Variants in TPR observed in about 807,000 individuals in gnomAD.
TPR encodes nucleoprotein TPR.
TPR carries 51 observed loss-of-function variants against 316.1 expected under a neutral mutation model. The ratio of observed to expected loss-of-function variants is 0.16; its 90% confidence interval spans 0.13 to 0.20. The LOEUF (loss-of-function observed/expected upper bound fraction) is 0.20. Among genes scored for constraint, TPR ranks in the 10% least tolerant of loss-of-function variants. TPR has a pLI of 1.00. For missense variants in TPR, 2,272 were observed against 2,754.8 expected (o/e 0.82, Z 3.92); for synonymous variants, 981 against 914.7 (o/e 1.07, Z -1.31).
intron 2 of TPR, among the ~76,000 whole-genome samples, chr1:186,373,102 T>C (rs146229629): frequency 3.7e-4 from 56 of 152,336 alleles, no homozygotes; most frequent in African/African-American, 1.3e-3. Flanking sequence ...AATCAGATAC[T>C]GTTAAGATTT....
At chr1:186,319,572 C>T (rs1398190412) in intron 46 of TPR, among the ~76,000 whole-genome samples, 2 of 152,120 alleles carry the variant, frequency 1.3e-5, no homozygotes, top group African/African-American at 4.8e-5. Flanking sequence ...AGTCAACTTA[C>T]AATTTCATAT....
intron 30 of TPR, 108 bp from the exon 31 acceptor site, chr1:186,338,351 A>C: frequency 1.2e-6 from 1 of 841,836 alleles, no homozygotes; most frequent in South Asian, 1.9e-5. Flanking sequence ...TTTTTTTTTG[A>C]AAATCCTAAA....
At chr1:186,343,261 A>C in intron 27 of TPR, 65 bp downstream of exon 27, 51 of 1,530,478 alleles carry the variant, frequency 3.3e-5, no homozygotes, top group Non-Finnish European at 4.3e-5. Flanking sequence ...GTTAAATGGT[A>C]GAGATATAAA....
intron 39 of TPR, among the ~76,000 whole-genome samples, chr1:186,329,016 A>C (rs903128317): frequency 6.6e-6 from 1 of 152,202 alleles, no homozygotes; most frequent in South Asian, 2.1e-4. Context: ...ATAATTTAAA[A>C]AGTGCCTCAA....
chr1:186,325,848 C>T lies in TPR; in HGVS notation c.6028G>A (p.Asp2010Asn). The change falls in exon 42 of 51, where the codon GAT (aspartate) becomes AAT (asparagine). Residue 2010 changes from aspartate to asparagine, a missense_variant. Coordinates refer to ENST00000367478, the MANE Select transcript of TPR (RefSeq NM_003292.3). The part of the protein sequence containing the change: ...GYEADDAEGG[D>N]GTDPGTETEE... Reference sequence around the variant, plus strand: ...GTTTCTGTACCTGGATCAGTCCCATCACCACCCTAAAAACAAAACGTGGTA... The same window carrying T: ...GTTTCTGTACCTGGATCAGTCCCATTACCACCCTAAAAACAAAACGTGGTA... 2 of 1,613,206 alleles carry T rather than the reference C, an allele frequency of 1.2e-6. No homozygotes were observed. The highest frequency in any genetic ancestry group is 8.5e-7 in the Non-Finnish European group (1 of 1,179,664).
At chr1:186,318,121 A>C (rs1468462355) in intron 48 of TPR, among the ~76,000 whole-genome samples, 1 of 152,216 alleles carries the variant, frequency 6.6e-6, no homozygotes, top group African/African-American at 2.4e-5. Flanking sequence ...TACAAGAATA[A>C]CATGAATCTG....
intron 35 of TPR, 69 bp from the exon 36 acceptor site, chr1:186,334,602 G>A (rs936852791): frequency 8.1e-6 from 12 of 1,482,998 alleles, no homozygotes; most frequent in Middle Eastern, 4.5e-4. Context: ...AAAACACAGT[G>A]AGTATAGGTC....
At chr1:186,369,389 T>C (rs1190188123) in intron 3 of TPR, among the ~76,000 whole-genome samples, 1 of 152,166 alleles carries the variant, frequency 6.6e-6, no homozygotes, top group Admixed American at 6.5e-5. Context: ...ATGAGTATGG[T>C]ATATCTTTCC....
At position 186,327,975 on chromosome 1, in the gene TPR, G is replaced by C. The variant is rs747342324; in HGVS notation, c.5689-315C>G. Among the ~76,000 whole-genome samples, 79 of 152,016 alleles carry C rather than the reference G, an allele frequency of 5.2e-4. 1 individual carries two copies. The highest frequency in any genetic ancestry group is 2.5e-4 in the Non-Finnish European group (17 of 67,996). On this transcript the variant is annotated intron_variant, in intron 39 of 50. Coordinates refer to ENST00000367478, the MANE Select transcript of TPR (RefSeq NM_003292.3). Reference sequence around the variant, plus strand: ...ATTTTTTGTATTTTTATTAGAGACAGGGTTTCACCATGTTGGCCAGGCTGG... The same window carrying C: ...ATTTTTTGTATTTTTATTAGAGACACGGTTTCACCATGTTGGCCAGGCTGG...
intron 2 of TPR, among the ~76,000 whole-genome samples, chr1:186,372,879 T>TA (rs1659576504): frequency 6.6e-6 from 1 of 152,198 alleles, no homozygotes; most frequent in Admixed American, 6.5e-5. Context: ...GATTCATAGA[T>TA]ATTTATAAAA....
intron 12 of TPR, 105 bp downstream of exon 12, chr1:186,359,694 G>A (rs1031688097): frequency 1.2e-5 from 14 of 1,135,910 alleles, no homozygotes; most frequent in Middle Eastern, 2.0e-4. Context: ...ATTGAAAATC[G>A]TATTTAGATT....
intron 12 of TPR, among the ~76,000 whole-genome samples, chr1:186,358,926 C>T (rs1193653386): frequency 6.6e-6 from 1 of 152,094 alleles, no homozygotes; most frequent in African/African-American, 2.4e-5. Context: ...TTGCAAACTA[C>T]ACTGCTGGTA....
Position 186,347,301 on chromosome 1 carries a change from C to T in TPR, c.2934G>A (p.Lys978=), listed in dbSNP as rs1244468221. ...TCAGAATTATACATACCTGTTTTTCCTTGTTCAGGGATTCTTCTAAACTAG... is the reference window on the plus strand; with the variant it reads ...TCAGAATTATACATACCTGTTTTTCTTTGTTCAGGGATTCTTCTAAACTAG... ...MVTSLEESLN[K]EKQVTEEVRK... Residue 978 remains lysine (K), a synonymous_variant, in exon 22 of 51, where the codon AAG becomes AAA. Transcript: ENST00000367478. 6.2e-7 allele frequency: 1 copy of T among 1,611,382 alleles called. No homozygotes were observed. The highest frequency in any genetic ancestry group is 1.7e-5 in the Admixed American group (1 of 59,542).
intron 39 of TPR, among the ~76,000 whole-genome samples, chr1:186,331,008 G>C (rs1305891028): frequency 1.3e-5 from 2 of 152,058 alleles, no homozygotes; most frequent in Non-Finnish European, 2.9e-5. Context: ...CTCATGCTTT[G>C]TAACTTCAGG....
At position 186,361,884 on chromosome 1, in the gene TPR, C is replaced by T. The variant is rs567811668; in HGVS notation, c.790-15G>A. The T allele has an allele frequency of 1.1e-5, 18 of 1,610,000 alleles. No homozygotes were observed. The African/African-American group carries it at 2.4e-4, about 22-fold the overall frequency. On this transcript the variant is annotated splice_polypyrimidine_tract_variant and intron_variant, in intron 7 of 50. Transcript: ENST00000367478. The stretch of plus-strand genomic sequence containing the variant: ...TGTTCCTTGGCCTGAAAAAAATAGC[C>T]CAATTATAGCAGTCTACTTTGAACT...
intron 31 of TPR, 152 bp from the exon 32 acceptor site, chr1:186,337,308 T>C: frequency 1.1e-6 from 1 of 926,350 alleles, no homozygotes. Context: ...AACTGTAATC[T>C]CCAAAAATGG....
At chr1:186,370,906 C>A in intron 3 of TPR, 64 bp downstream of exon 3, 2 of 1,386,374 alleles carry the variant, frequency 1.4e-6, no homozygotes, top group South Asian at 2.4e-5. Context: ...GATAAACAAT[C>A]AGAATAGAAT....
At chr1:186,364,149 G>A (rs1175304756) in intron 4 of TPR, among the ~76,000 whole-genome samples, 1 of 152,098 alleles carries the variant, frequency 6.6e-6, no homozygotes, top group Non-Finnish European at 1.5e-5. Flanking sequence ...ATCTTTTGAA[G>A]TTTTTGCATA....
At chr1:186,321,556 T>A (rs1358886723) in intron 45 of TPR, among the ~76,000 whole-genome samples, 1 of 152,178 alleles carries the variant, frequency 6.6e-6, no homozygotes, top group Non-Finnish European at 1.5e-5. Flanking sequence ...GATGACAACA[T>A]TAATAATGTC....
Sources: allele counts gnomAD v4.1 joint callset (sites outside exome capture counted in the v4.1 genomes callset), GRCh38; gene constraint gnomAD v4.1.1; transcripts MANE v1.5; gene names NCBI Gene and HGNC (gene_info 2026-07-23, HGNC 2026-07-21).